The following CYP19A1 variants were observed in gnomAD, a reference collection of about 807,000 sequenced individuals.
CYP19A1 encodes the protein aromatase.
Under a neutral mutation model 44.4 loss-of-function variants are expected in CYP19A1, and 32 were observed. The ratio of observed to expected loss-of-function variants is 0.72; its 90% CI spans 0.54 to 0.97. The LOEUF is 0.97. Ranked by LOEUF, CYP19A1 falls within the 50% of genes least tolerant of loss-of-function variation. The pLI, the probability that CYP19A1 is intolerant of heterozygous loss-of-function variation, is 0.00. For missense variants in CYP19A1, 598 were observed against 637.8 expected, an observed-to-expected ratio of 0.94 and a Z score of 0.67; for synonymous variants, 212 against 215.6, an observed-to-expected ratio of 0.98 and a Z score of 0.14.
intron 1 of CYP19A1, among the ~76,000 whole-genome samples, chr15:51,294,084 C>T (rs1341332666): frequency 7.3e-6 from 1 of 137,118 alleles, no homozygotes; most frequent in African/African-American, 3.3e-5. Flanking sequence ...GCGTCTCTGC[C>T]CGGCCGCCAT....
chr15:51,264,644 G>A (rs2140941463), intron 1 of CYP19A1, among the ~76,000 whole-genome samples: 1 of 152,322 alleles, frequency 6.6e-6, no homozygotes, highest in Non-Finnish European at 1.5e-5. Context: ...ATATAGTGAA[G>A]AGAAAGAGTT....
rs560556578 is a variant in CYP19A1 at position 51,212,933 on chromosome 15, G to T, written c.1022-372C>A. Among the ~76,000 whole-genome samples the T allele has an allele frequency of 3.3e-5, 5 of 152,234 alleles. No homozygotes were observed. In the East Asian group the frequency reaches 9.6e-4, roughly 29 times the overall value. ...GTTCCATCTAGACCACACCCAATCT[G>T]CTTCAAACATTCATCTCATGTGCCT... On this transcript the variant is annotated intron_variant, in intron 8 of 9. Transcript: ENST00000396402.
At chr15:51,299,402 C>T (rs2036066436) in intron 1 of CYP19A1, among the ~76,000 whole-genome samples, 1 of 152,212 alleles carries the variant, frequency 6.6e-6, no homozygotes, top group Admixed American at 6.5e-5. Context: ...AGTTGCTACC[C>T]AGGATCATCC....
intron 1 of CYP19A1, among the ~76,000 whole-genome samples, chr15:51,275,148 A>G (rs1424368554): frequency 2.0e-5 from 3 of 152,316 alleles, no homozygotes; most frequent in African/African-American, 7.2e-5. Flanking sequence ...AGAACTGTTC[A>G]CACAGAAAGG....
chr15:51,305,537 T>A (rs956592524), intron 1 of CYP19A1, among the ~76,000 whole-genome samples: 3 of 151,708 alleles, frequency 2.0e-5, no homozygotes, highest in African/African-American at 7.3e-5. Context: ...GCTGGTACCA[T>A]GAGATAATAA....
chr15:51,318,880 A>G lies in CYP19A1; in HGVS notation c.-39+19615T>C, dbSNP rs189803208. The G allele has an allele frequency of 4.6e-5, 7 of 152,358 alleles. No individual in the cohort carries two copies. The East Asian group carries it at 1.2e-3, about 25-fold the overall frequency. The allele number at this position is 152,358 out of a possible 1,614,324, so 9.4% of individuals were successfully genotyped here. A position where few individuals can be genotyped will look rare whatever the true frequency, so the allele number is the denominator to read the frequency against. ...TCATTTTGTCGGTCATTCAATGTGC[A>G]TCTTTCCAATAATGTGGTATGTCCA... On this transcript the variant is annotated intron_variant, in intron 1 of 9. Coordinates refer to ENST00000396402, the MANE Select transcript of CYP19A1 (RefSeq NM_000103.4).
intron 1 of CYP19A1, among the ~76,000 whole-genome samples, chr15:51,337,603 C>G (rs28757070): frequency 0.047 from 7,130 of 152,240 alleles, 553 homozygotes; most frequent in African/African-American, 0.16. Flanking sequence ...TGGGACTGGC[C>G]TAGGAAGTCA....
chr15:51,231,024 T>C (rs2032989271), intron 3 of CYP19A1, among the ~76,000 whole-genome samples: 1 of 152,194 alleles, frequency 6.6e-6, no homozygotes, highest in Non-Finnish European at 1.5e-5. Flanking sequence ...CTTACCCAGC[T>C]TAAATTCTAG....
intron 1 of CYP19A1, chr15:51,321,972 T>C (rs2036535855): frequency 6.7e-6 from 1 of 148,882 alleles, no homozygotes; most frequent in South Asian, 2.1e-4. Flanking sequence ...ACATAATAAA[T>C]AAAATTCCTG....
intron 1 of CYP19A1, among the ~76,000 whole-genome samples, chr15:51,305,309 C>G (rs561607809): frequency 1.2e-3 from 187 of 152,150 alleles, no homozygotes; most frequent in African/African-American, 4.2e-3. Context: ...GAGGGTGTGG[C>G]CTATGTCTTA....
Position 51,218,640 on chromosome 15 carries a change from A to G in CYP19A1, c.644T>C (p.Val215Ala). The change falls in exon 6 of 10, where the codon GTT becomes GCT. Residue 215 changes from valine to alanine, a missense_variant. Coordinates refer to ENST00000396402, the MANE Select transcript of CYP19A1 (RefSeq NM_000103.4). ...TGCATCAAAATAACCTTGGATTTTA[A>G]CCACGATAGCACTTTCTGTAGGAAA... ...RIPLDESAIV[V>A]KIQGYFDAWQ... The G allele has an allele frequency of 6.2e-7, 1 of 1,613,268 alleles. No individual in the cohort carries two copies. The highest frequency in any genetic ancestry group is 8.5e-7 in the Non-Finnish European group (1 of 1,179,668).
rs180837475 is a variant in CYP19A1 at position 51,283,555 on chromosome 15, A to G, written c.-38-40605T>C. ...TAAGGCTACTCTTTCAGCTCAGGCT[A>G]TGGCTGGATTAAGAGTAGGAAAGAA... On this transcript the variant is annotated intron_variant, in intron 1 of 9. Transcript: ENST00000396402. Among the ~76,000 whole-genome samples the G allele has an allele frequency of 2.0e-5, 3 of 152,346 alleles. No homozygotes were observed. In the South Asian group the frequency reaches 6.2e-4, roughly 32 times the overall value.
chr15:51,315,299 A>G (rs1039477854), intron 1 of CYP19A1, among the ~76,000 whole-genome samples: 1 of 152,068 alleles, frequency 6.6e-6, no homozygotes, highest in Non-Finnish European at 1.5e-5. Context: ...TTCCGTCCCA[A>G]CTGCCAGACC....
intron 1 of CYP19A1, among the ~76,000 whole-genome samples, chr15:51,315,215 C>T (rs1266703508): frequency 6.6e-6 from 1 of 152,170 alleles, no homozygotes; most frequent in Non-Finnish European, 1.5e-5. Flanking sequence ...TCACCACCAC[C>T]GTCACCCAGG....
At chr15:51,246,255 C>T (rs1357755038) in intron 1 of CYP19A1, among the ~76,000 whole-genome samples, 5 of 152,156 alleles carry the variant, frequency 3.3e-5, no homozygotes, top group Non-Finnish European at 7.4e-5. Context: ...GTAATACCCT[C>T]CCCTCACCCC....
chr15:51,322,659 A>T (rs536531920), intron 1 of CYP19A1, among the ~76,000 whole-genome samples: 2 of 152,148 alleles, frequency 1.3e-5, no homozygotes, highest in South Asian at 4.2e-4. Flanking sequence ...AATGTTTTCC[A>T]TCCTTGCATC....
At chr15:51,276,331 T>C (rs987264681) in intron 1 of CYP19A1, among the ~76,000 whole-genome samples, 1 of 152,154 alleles carries the variant, frequency 6.6e-6, no homozygotes, top group African/African-American at 2.4e-5. Flanking sequence ...TGTTTCCTCA[T>C]GTATAGATAA....
At chr15:51,227,456 C>T (rs1226023449) in intron 4 of CYP19A1, among the ~76,000 whole-genome samples, 11 of 151,946 alleles carry the variant, frequency 7.2e-5, no homozygotes, top group South Asian at 2.1e-4. Flanking sequence ...CGTTTGACTC[C>T]GTGAGTTTGA....
In CYP19A1 at chr15:51,227,862, TG is replaced by T; in HGVS notation, c.367del (p.Gln123SerfsTer27). 6.5e-7 allele frequency: 1 copy of T among 1,541,288 alleles called. No homozygotes were observed. ...SSRFGSKLGL[Q>X]CIGMHEKGII... is the part of the protein sequence containing the mutation. The stretch of plus-strand genomic sequence containing the variant: ...GCCTTTCTCATGCATACCGATGCAC[TG>T]CAGCCCAAGTTTGCTGCCGAATCGA... On this transcript the variant is annotated frameshift_variant, in exon 4 of 10. Coordinates refer to ENST00000396402, the MANE Select transcript of CYP19A1 (RefSeq NM_000103.4). LOFTEE classifies it high-confidence loss of function.
Sources: allele counts gnomAD v4.1 joint callset (sites outside exome capture counted in the v4.1 genomes callset), GRCh38; gene constraint gnomAD v4.1.1; transcripts MANE v1.5; gene names NCBI Gene and HGNC (gene_info 2026-07-23, HGNC 2026-07-21).